The following PTPRQ variants were observed in gnomAD, a reference collection of about 807,000 sequenced individuals.
The protein encoded by PTPRQ is phosphatidylinositol phosphatase PTPRQ.
In PTPRQ, 199 loss-of-function variants were observed where a neutral mutation model predicts 246.0. The ratio of observed to expected loss-of-function variants is 0.81; its 90% CI spans 0.72 to 0.91. The LOEUF (loss-of-function observed/expected upper bound fraction) is 0.91, where lower values mean the gene tolerates loss of function less well. Among genes scored for constraint, PTPRQ ranks in the 40% least tolerant of loss-of-function variants. The pLI, the probability that PTPRQ is intolerant of heterozygous loss-of-function variation, is 0.00. For missense variants in PTPRQ, 2,624 were observed against 2,528.4 expected (o/e 1.04, Z -0.81); for synonymous variants, 869 against 853.2 (o/e 1.02, Z -0.32).
chr12:80,619,125 T>C (rs1415383994), intron 30 of PTPRQ, among the ~76,000 whole-genome samples: 2 of 151,554 alleles, frequency 1.3e-5, no homozygotes, highest in Non-Finnish European at 3.0e-5. Context: ...ATTGAATTTT[T>C]AATATGCAAA....
intron 8 of PTPRQ, among the ~76,000 whole-genome samples, chr12:80,481,646 C>T (rs1894062485): frequency 6.6e-6 from 1 of 152,118 alleles, no homozygotes; most frequent in South Asian, 2.1e-4. Flanking sequence ...AGCCCAAAAT[C>T]TCCTTAATCT....
chr12:80,478,430 A>C (rs1452002512), intron 8 of PTPRQ, among the ~76,000 whole-genome samples: 1 of 152,094 alleles, frequency 6.6e-6, no homozygotes, highest in Admixed American at 6.6e-5. Flanking sequence ...AAGATGGGGA[A>C]AAAACAGAAC....
At chr12:80,527,609 CAG>C (rs1173401477) in intron 17 of PTPRQ, among the ~76,000 whole-genome samples, 7 of 151,610 alleles carry the variant, frequency 4.6e-5, no homozygotes, top group African/African-American at 9.7e-5. Flanking sequence ...ATTTAAAATA[CAG>C]AGTTAAAAAA....
chr12:80,616,128 C>T, intron 29 of PTPRQ, 72 bp from the exon 30 acceptor site: 2 of 928,462 alleles, frequency 2.2e-6, no homozygotes, highest in Non-Finnish European at 2.9e-6. Flanking sequence ...TAGATACATG[C>T]ATATATATAT....
Position 80,484,417 on chromosome 12 carries a change from T to C in PTPRQ, c.1187-16T>C, listed in dbSNP as rs1242027711. 2.6e-6 allele frequency: 4 copies of C among 1,520,404 alleles called. No homozygotes were observed. In the South Asian group the frequency reaches 5.1e-5, roughly 20 times the overall value. The allele number at this position is 1,520,404 out of a possible 1,614,324, so 94.2% of individuals were successfully genotyped here. On this transcript the variant is annotated splice_polypyrimidine_tract_variant and intron_variant, in intron 8 of 44. Transcript: ENST00000644991. ...TAATTTCCCCCTTTTCTTTTCTTTC[T>C]TTCTTTCTTTCTTAGTTCCAGGGGC...
At chr12:80,643,381 T>A (rs1164097805) in intron 35 of PTPRQ, among the ~76,000 whole-genome samples, 1 of 150,850 alleles carries the variant, frequency 6.6e-6, no homozygotes, top group African/African-American at 2.4e-5. Flanking sequence ...GAGGTTGCAA[T>A]GAGCCGAGTT....
intron 8 of PTPRQ, among the ~76,000 whole-genome samples, chr12:80,477,165 G>T (rs1462199472): frequency 1.3e-5 from 2 of 151,934 alleles, no homozygotes; most frequent in Non-Finnish European, 2.9e-5. Context: ...ATTTACTATT[G>T]CAATGAGTGA....
intron 17 of PTPRQ, among the ~76,000 whole-genome samples, chr12:80,521,722 A>C (rs1895497065): frequency 6.6e-6 from 1 of 152,092 alleles, no homozygotes; most frequent in Admixed American, 6.6e-5. Flanking sequence ...ATTGATCTAT[A>C]TCTCTGTTTT....
At chr12:80,513,713 A>C (rs1045850065) in intron 17 of PTPRQ, among the ~76,000 whole-genome samples, 1 of 151,788 alleles carries the variant, frequency 6.6e-6, no homozygotes, top group Non-Finnish European at 1.5e-5. Flanking sequence ...ACGTCACCTG[A>C]CCTTTTTATG....
chr12:80,506,152 A>G lies in PTPRQ; in HGVS notation c.2401A>G (p.Asn801Asp), dbSNP rs530895245. 1 of 1,532,930 alleles carries G rather than the reference A, an allele frequency of 6.5e-7. No individual in the cohort carries two copies. 95.0% of individuals were successfully genotyped at this position (1,532,930 alleles called of 1,614,324 possible). ...QKYTIYLKRSNGNEERTINTT... is the reference protein window; with the variant it reads ...QKYTIYLKRSDGNEERTINTT... ...ATATACAATTTATCTCAAGAGAAGT[A>G]ATGGAAATGAGGAAAGAACTATAAA... The change falls in exon 15 of 45, where the codon AAT becomes GAT. Residue 801 changes from asparagine to aspartate, a missense_variant. Physicochemically the swap from Asn to Asp is conservative, Grantham distance 23 (BLOSUM62 1). Transcript: ENST00000644991.
chr12:80,495,105 A>G lies in PTPRQ; in HGVS notation c.1702+11A>G. 1.3e-6 allele frequency: 2 copies of G among 1,550,372 alleles called. No homozygotes were observed. Among genetic ancestry groups the G allele is most frequent in the Non-Finnish European group, 8.7e-7 (1 of 1,146,154 alleles). On this transcript the variant is annotated intron_variant, in intron 11 of 44. Coordinates refer to ENST00000644991, the MANE Select transcript of PTPRQ (RefSeq NM_001145026.2). ...GGACACGTCAGCAAGGTAAGGATGTATTTCCTTTGAAACAATTAACTGCAA... is the reference window on the plus strand; with the variant it reads ...GGACACGTCAGCAAGGTAAGGATGTGTTTCCTTTGAAACAATTAACTGCAA...
In PTPRQ at chr12:80,623,492, T is replaced by C. The variant is rs148140515; in HGVS notation, c.5686+1358T>C. ...TGTTTCTTCATTTGATAGGTGAGTC[T>C]ATCACACTCTGATGCCACCACAGTA... On this transcript the variant is annotated intron_variant, in intron 33 of 44. Coordinates refer to ENST00000644991, the MANE Select transcript of PTPRQ (RefSeq NM_001145026.2). Among the ~76,000 whole-genome samples the C allele has an allele frequency of 5.5e-3, 833 of 152,314 alleles. 13 individuals carry two copies. Among genetic ancestry groups the C allele is most frequent in the African/African-American group, 0.019 (791 of 41,582 alleles).
At chr12:80,673,748 AC>A (rs1253979548) in intron 43 of PTPRQ, among the ~76,000 whole-genome samples, 4 of 152,152 alleles carry the variant, frequency 2.6e-5, no homozygotes, top group African/African-American at 7.2e-5. Flanking sequence ...GCATACCAGT[AC>A]TAATAATGAT....
intron 29 of PTPRQ, 48 bp from the exon 30 acceptor site, chr12:80,616,150 CAT>C (rs1592720493): frequency 7.5e-7 from 1 of 1,338,446 alleles, no homozygotes; most frequent in Non-Finnish European, 9.8e-7. Context: ...TATACACACA[CAT>C]ACATAAGCAA....
intron 8 of PTPRQ, among the ~76,000 whole-genome samples, chr12:80,480,500 A>G (rs1055848469): frequency 6.7e-6 from 1 of 148,150 alleles, no homozygotes; most frequent in Non-Finnish European, 1.5e-5. Context: ...AAAAGCTAGC[A>G]GAAGGCAAGA....
intron 8 of PTPRQ, among the ~76,000 whole-genome samples, chr12:80,480,647 A>G (rs1021434504): frequency 6.6e-6 from 1 of 152,130 alleles, no homozygotes; most frequent in Admixed American, 6.5e-5. Context: ...AAAGAAAAAA[A>G]GAGAGAAGAA....
At chr12:80,472,053 T>A in intron 7 of PTPRQ, 52 bp from the exon 8 acceptor site, 1 of 1,547,532 alleles carries the variant, frequency 6.5e-7, no homozygotes, top group East Asian at 2.4e-5. Flanking sequence ...AATGTGAACA[T>A]GATTGCACGC....
At chr12:80,504,366 G>T (rs1453963045) in intron 14 of PTPRQ, among the ~76,000 whole-genome samples, 3 of 151,180 alleles carry the variant, frequency 2.0e-5, no homozygotes, top group South Asian at 2.1e-4. Flanking sequence ...AAACTTGCTT[G>T]GTTATTTAAT....
chr12:80,490,127 C>T (rs7132716), intron 9 of PTPRQ, among the ~76,000 whole-genome samples: 129,276 of 151,880 alleles, frequency 0.85, 55,884 homozygotes, highest in Non-Finnish European at 0.93. Flanking sequence ...ACTTAAAGAT[C>T]TGTTCACCTG....
Sources: allele counts gnomAD v4.1 joint callset (sites outside exome capture counted in the v4.1 genomes callset), GRCh38; gene constraint gnomAD v4.1.1; transcripts MANE v1.5; gene names NCBI Gene and HGNC (gene_info 2026-07-23, HGNC 2026-07-21).